The following RPS24 variants were observed in gnomAD, a reference collection of about 807,000 sequenced individuals.
The protein encoded by RPS24 is ribosomal protein S24, also known as small ribosomal subunit protein eS24.
For synonymous variants in RPS24, 72 were observed against 55.6 expected (o/e 1.30, Z -1.31); for missense variants, 100 against 162.5 (o/e 0.62, Z 2.09).
chr10:78,044,499 G>A (rs11002386), downstream of RPS24, among the ~76,000 whole-genome samples: 8,339 of 152,142 alleles, frequency 0.055, 779 homozygotes, highest in African/African-American at 0.19. Flanking sequence ...TAGTCTTCAG[G>A]TTGGCTGCTA....
chr10:78,045,347 T>C (rs891955799), downstream of RPS24, among the ~76,000 whole-genome samples: 2 of 152,148 alleles, frequency 1.3e-5, no homozygotes, highest in African/African-American at 4.8e-5. Flanking sequence ...CAGTTCCTGA[T>C]CTCCACTCAG....
At chr10:78,043,164 C>T (rs1219042253), downstream of RPS24, among the ~76,000 whole-genome samples, 4 of 152,032 alleles carry the variant, frequency 2.6e-5, no homozygotes, top group East Asian at 1.9e-4. Flanking sequence ...CCACCATGCC[C>T]GGGTAATTTT....
intron 4 of RPS24, among the ~76,000 whole-genome samples, chr10:78,051,491 A>AACAAC (rs1848098253): frequency 6.6e-6 from 1 of 152,118 alleles, no homozygotes; most frequent in South Asian, 2.1e-4. Flanking sequence ...CAGTTGATGG[A>AACAAC]TATTTGTGTT....
Position 78,040,659 on chromosome 10 carries a change from TG to T in RPS24, c.*66del, listed in dbSNP as rs1847974074. ...GCAATGATGTTAGCTGTGGCCACTG[TG>T]GATTTTTCGCAAGAACATTAATAAA... is the stretch of plus-strand genomic sequence containing the variant. On this transcript the variant is annotated 3_prime_UTR_variant, in exon 6 of 6. Coordinates refer to ENST00000372360, the MANE Select transcript of RPS24 (RefSeq NM_033022.4). The T allele has an allele frequency of 6.2e-7, 1 of 1,614,030 alleles. No individual in the cohort carries two copies. Among genetic ancestry groups the T allele is most frequent in the African/African-American group, 1.3e-5 (1 of 74,926 alleles).
intron 3 of RPS24, chr10:78,035,976 AGAG>A (rs1424444257): frequency 4.8e-5 from 23 of 484,208 alleles, no homozygotes; most frequent in Non-Finnish European, 7.6e-5. Context: ...ATTGTTTTCC[AGAG>A]GAGAAGTAAG....
At chr10:78,041,977 G>A (rs534174415), downstream of RPS24, among the ~76,000 whole-genome samples, 87 of 152,182 alleles carry the variant, frequency 5.7e-4, no homozygotes, top group Non-Finnish European at 7.2e-4. Flanking sequence ...GAAGGGAGGT[G>A]GGATGAAACT....
chr10:78,046,390 C>T (rs900915095), intron 4 of RPS24, among the ~76,000 whole-genome samples: 3 of 141,188 alleles, frequency 2.1e-5, no homozygotes, highest in Admixed American at 7.4e-5. Context: ...CTCTGTCACC[C>T]AGGCTGGAGC....
downstream of RPS24, among the ~76,000 whole-genome samples, chr10:78,045,082 G>T (rs1001215724): frequency 6.6e-6 from 1 of 152,056 alleles, no homozygotes; most frequent in African/African-American, 2.4e-5. Context: ...TCCGCCTCCT[G>T]GGTTCAAGCA....
In RPS24 at chr10:78,035,428, G is replaced by A. The variant is rs752662026; in HGVS notation, c.69+11G>A. 7 of 1,613,752 alleles carry A rather than the reference G, an allele frequency of 4.3e-6. 1 individual carries two copies. The South Asian group carries it at 7.7e-5, about 18-fold the overall frequency. On this transcript the variant is annotated intron_variant, in intron 2 of 5. Coordinates refer to ENST00000372360, the MANE Select transcript of RPS24 (RefSeq NM_033022.4). ...CAGAGGAAACAAATGGTAAGGAAGGGCACATCAATCTTTGCTTAATTGTCC... is the reference window on the plus strand; with the variant it reads ...CAGAGGAAACAAATGGTAAGGAAGGACACATCAATCTTTGCTTAATTGTCC...
In RPS24 at chr10:78,054,670, G is replaced by A. The variant is rs1848133033; in HGVS notation, c.530G>A (p.Trp177Ter). The change falls in exon 5 of 5, where the codon TGG (tryptophan) becomes TAG (stop). Residue 177 changes from tryptophan (W) to a stop codon, truncating the protein, a stop_gained. Coordinates refer to the RPS24 transcript ENST00000440692. LOFTEE classifies it low-confidence loss of function (END_TRUNC). ...GAAGTGCCAGGACCGTGGAGCGTGT[G>A]GACATGTGGCAGATTGCGGAGGGGC... The A allele has an allele frequency of 6.4e-7, 1 of 1,551,708 alleles. No individual in the cohort carries two copies. Among genetic ancestry groups the A allele is most frequent in the Non-Finnish European group, 8.7e-7 (1 of 1,146,980 alleles).
intron 3 of RPS24, chr10:78,036,051 TG>T: frequency 2.7e-6 from 1 of 375,236 alleles, no homozygotes; most frequent in Non-Finnish European, 5.1e-6. Context: ...AGTCTGCATC[TG>T]GGCTTAAACC....
At chr10:78,041,689 G>C (rs1334398286), downstream of RPS24, among the ~76,000 whole-genome samples, 1 of 152,200 alleles carries the variant, frequency 6.6e-6, no homozygotes, top group African/African-American at 2.4e-5. Context: ...AGCTTGCAGA[G>C]GCAAGGTGGT....
chr10:78,041,720 AG>A (rs1847987866), downstream of RPS24, among the ~76,000 whole-genome samples: 1 of 151,938 alleles, frequency 6.6e-6, no homozygotes. Context: ...ACAGTGCTGC[AG>A]GGATGGGATG....
At chr10:78,042,997 G>A (rs538291484), downstream of RPS24, among the ~76,000 whole-genome samples, 21 of 114,528 alleles carry the variant, frequency 1.8e-4, no homozygotes, top group Admixed American at 3.7e-4. Context: ...ATCTGCGCGC[G>A]CACACACATA....
chr10:78,037,931 T>G, intron 4 of RPS24: 5 of 1,027,550 alleles, frequency 4.9e-6, no homozygotes, highest in Non-Finnish European at 6.5e-6. Context: ...TTTTTGCTTT[T>G]CCTCTCTACT....
exon 5 of RPS24, chr10:78,054,651 C>G: frequency 6.4e-7 from 1 of 1,551,652 alleles, no homozygotes; most frequent in Middle Eastern, 1.7e-4. Context: ...GGTAGAAGTG[C>G]CAGGACCGTG....
At chr10:78,049,738 C>T (rs1848081078) in intron 4 of RPS24, among the ~76,000 whole-genome samples, 1 of 152,226 alleles carries the variant, frequency 6.6e-6, no homozygotes, top group African/African-American at 2.4e-5. Flanking sequence ...GCACCTTGCC[C>T]TAGTACTGGG....
At chr10:78,044,549 G>T (rs1214093179), downstream of RPS24, among the ~76,000 whole-genome samples, 1 of 152,086 alleles carries the variant, frequency 6.6e-6, no homozygotes, top group Non-Finnish European at 1.5e-5. Flanking sequence ...TGTGCTGGCA[G>T]AGAGGCTCTC....
intron 1 of RPS24, 51 bp downstream of exon 1, chr10:78,033,955 G>T (rs762479109): frequency 2.5e-6 from 4 of 1,611,294 alleles, no homozygotes; most frequent in South Asian, 1.1e-5. Context: ...CGAGCCATCC[G>T]TGGTCCCTGG....
Sources: allele counts gnomAD v4.1 joint callset (sites outside exome capture counted in the v4.1 genomes callset), GRCh38; gene constraint gnomAD v4.1.1; transcripts MANE v1.5; gene names NCBI Gene and HGNC (gene_info 2026-07-23, HGNC 2026-07-21).